Variants in MAP2K2 observed in about 807,000 individuals in gnomAD.
The protein encoded by MAP2K2 is mitogen-activated protein kinase kinase 2.
A neutral mutation model predicts 43.7 loss-of-function variants in MAP2K2; 24 were observed. That is an observed-to-expected ratio of 0.55 (90% confidence interval 0.40 to 0.77). The LOEUF (loss-of-function observed/expected upper bound fraction) is 0.77, where lower values mean the gene tolerates loss of function less well. Ranked by LOEUF, MAP2K2 falls within the 30% of genes least tolerant of loss-of-function variation. The probability of loss-of-function intolerance (pLI) is 0.00; values close to 1 mark genes in which losing one functional copy is unlikely to be tolerated. For synonymous variants in MAP2K2, 244 were observed against 239.7 expected (o/e 1.02, Z -0.17); for missense variants, 470 against 566.8 (o/e 0.83, Z 1.73).
rs765755630 is a variant in MAP2K2, at chr19:4,117,527, G to A, written c.195C>T (p.Gly65=). The A allele has an allele frequency of 8.7e-6, 14 of 1,613,996 alleles. No individual in the cohort carries two copies. Among genetic ancestry groups the A allele is most frequent in the African/African-American group, 1.3e-5 (1 of 74,914 alleles). ...TTTCGAAGTCATCGTCTTTGAGTTC[G>A]CCGACCTTGGCTTTCTGGGTGAGAA... ...EAFLTQKAKV[G]ELKDDDFERI... The change falls in exon 2 of 11, where the codon GGC becomes GGT. Residue 65 remains glycine, a synonymous_variant. Transcript: ENST00000262948.
At position 4,099,216 on chromosome 19, in the gene MAP2K2, CG is replaced by C; in HGVS notation, c.903del (p.Arg303AlafsTer24). On this transcript the variant is annotated frameshift_variant, in exon 7 of 11. Coordinates refer to ENST00000262948, the MANE Select transcript of MAP2K2 (RefSeq NM_030662.4). LOFTEE classifies it high-confidence loss of function. ...CAGGCCGTACCGCTGACGGGGCGCC[CG>C]GGGGGCCTCGGCCGAGGCGAGATGC... ...PHSISPRPRP[P>X]GRPVSGHGMD... 6.2e-7 allele frequency: 1 copy of C among 1,602,940 alleles called. No individual in the cohort carries two copies.
intron 3 of MAP2K2, among the ~76,000 whole-genome samples, chr19:4,107,397 G>A (rs949082683): frequency 3.3e-5 from 5 of 151,172 alleles, no homozygotes; most frequent in East Asian, 2.0e-4. Context: ...GGTGGCGGGC[G>A]CCTGTAGTCC....
At chr19:4,103,210 G>T in intron 3 of MAP2K2, 1 of 987,176 alleles carries the variant, frequency 1.0e-6, no homozygotes, top group Non-Finnish European at 1.2e-6. Context: ...ATCCTGCGGA[G>T]GGCCTGGAAA....
intron 3 of MAP2K2, among the ~76,000 whole-genome samples, chr19:4,108,187 GCCCTGTCAGGGCT>G: frequency 6.6e-6 from 1 of 152,320 alleles, no homozygotes; most frequent in South Asian, 2.1e-4. Context: ...CACGGATGCT[GCCCTGTCAGGGCT>G]CACCCAATGC....
intron 1 of MAP2K2, among the ~76,000 whole-genome samples, chr19:4,120,909 C>G (rs1394421902): frequency 6.9e-6 from 1 of 145,350 alleles, no homozygotes; most frequent in East Asian, 1.9e-4. Context: ...TGTTGACTTG[C>G]ACACATTGGC....
At chr19:4,110,475 GC>G (rs759197586) in intron 3 of MAP2K2, 33 bp downstream of exon 3, 2 of 1,610,110 alleles carry the variant, frequency 1.2e-6, no homozygotes, top group African/African-American at 2.7e-5. Flanking sequence ...TTCCGTGGAG[GC>G]CCTGCCCCTG....
intron 3 of MAP2K2, among the ~76,000 whole-genome samples, chr19:4,104,263 A>C (rs2041055863): frequency 7.8e-6 from 1 of 128,472 alleles, no homozygotes; most frequent in South Asian, 2.7e-4. Context: ...AGACTCCTCA[A>C]TTAAAAAAAA....
At chr19:4,121,073 G>A (rs1871009741) in intron 1 of MAP2K2, among the ~76,000 whole-genome samples, 2 of 151,318 alleles carry the variant, frequency 1.3e-5, no homozygotes, top group African/African-American at 4.9e-5. Flanking sequence ...GCCCTGCCCT[G>A]CCTCGGCCTG....
chr19:4,120,196 G>C (rs562549204), intron 1 of MAP2K2, among the ~76,000 whole-genome samples: 2 of 152,250 alleles, frequency 1.3e-5, no homozygotes, highest in African/African-American at 2.4e-5. Context: ...CCTAGTAGGT[G>C]CTCACTGAGG....
intron 2 of MAP2K2, among the ~76,000 whole-genome samples, chr19:4,113,818 C>A (rs1326054930): frequency 6.6e-6 from 1 of 152,080 alleles, no homozygotes; most frequent in Non-Finnish European, 1.5e-5. Context: ...TGAGTGTCAG[C>A]GAGAGCAGGA....
At chr19:4,092,761 C>T (rs2040865951) in intron 10 of MAP2K2, among the ~76,000 whole-genome samples, 1 of 152,036 alleles carries the variant, frequency 6.6e-6, no homozygotes, top group East Asian at 1.9e-4. Context: ...GCCCAGCCTG[C>T]CTCATTAAAA....
intron 10 of MAP2K2, among the ~76,000 whole-genome samples, chr19:4,093,552 G>A (rs1413544034): frequency 6.6e-6 from 1 of 152,052 alleles, no homozygotes. Flanking sequence ...TTAGCCGGGT[G>A]TGGTGGCGGG....
At chr19:4,090,894 C>T (rs553629735) in intron 10 of MAP2K2, among the ~76,000 whole-genome samples, 186 bp from the exon 11 acceptor site, 22 of 152,310 alleles carry the variant, frequency 1.4e-4, no homozygotes, top group African/African-American at 4.8e-4. Flanking sequence ...GGGGCAGCGG[C>T]GTGTGCCAGG....
intron 7 of MAP2K2, among the ~76,000 whole-genome samples, chr19:4,098,376 A>T (rs2040951349): frequency 6.6e-6 from 1 of 152,160 alleles, no homozygotes; most frequent in Non-Finnish European, 1.5e-5. Context: ...ACTGAAAACC[A>T]CTGAACTGCT....
rs2041340048 is a variant in MAP2K2, at chr19:4,124,082, G to A, written c.-207C>T. On this transcript the variant is annotated 5_prime_UTR_variant, in exon 1 of 11. Transcript: ENST00000262948. ...AGGCGAGCGAGCCGCTACCGCTGCC[G>A]AGGCCCGAAGAAGGCTGACGCCGCA... The A allele has an allele frequency of 4.7e-6, 1 of 211,462 alleles. No homozygotes were observed. Among genetic ancestry groups the A allele is most frequent in the South Asian group, 1.9e-4 (1 of 5,374 alleles). 13.1% of individuals were successfully genotyped at this position (211,462 alleles called of 1,614,324 possible). A position where few individuals can be genotyped will look rare whatever the true frequency, so the allele number is the denominator to read the frequency against.
intron 10 of MAP2K2, 95 bp downstream of exon 10, chr19:4,094,358 C>T: frequency 7.3e-7 from 1 of 1,370,442 alleles, no homozygotes; most frequent in Non-Finnish European, 1.0e-6. Flanking sequence ...CAGGTGCTGG[C>T]TCCCCGGGCA....
At chr19:4,098,526 C>A (rs1033610017) in intron 7 of MAP2K2, among the ~76,000 whole-genome samples, 12 of 152,154 alleles carry the variant, frequency 7.9e-5, no homozygotes, top group African/African-American at 2.9e-4. Context: ...AATCACAGGA[C>A]CCTCCTGTGA....
In MAP2K2 at chr19:4,101,271, C is replaced by T. The variant is rs1336312423; in HGVS notation, c.538G>A (p.Gly180Ser). 1.3e-6 allele frequency: 2 copies of T among 1,582,114 alleles called. No individual in the cohort carries two copies. The highest frequency in any genetic ancestry group is 2.3e-5 in the East Asian group (1 of 43,322). The change falls in exon 5 of 11, where the codon GGC (glycine) becomes AGC (serine). Residue 180 changes from glycine to serine, a missense_variant. This residue lies in a region of MAP2K2 where 200 missense variants were observed against 297.9 expected (regional missense o/e 0.67). Coordinates refer to ENST00000262948, the MANE Select transcript of MAP2K2 (RefSeq NM_030662.4). This position sits in a 1 kb window ranked among gnomAD's most constrained non-coding sequence, Gnocchi z 6.3. Reference sequence around the variant, plus strand: ...TGCTTCTCTCGGAGGTACGCCAAGCCCCGGAGAACCTGCAGGGGAGCGCGG... The same window carrying T: ...TGCTTCTCTCGGAGGTACGCCAAGCTCCGGAGAACCTGCAGGGGAGCGCGG... ...LGKVSIAVLR[G>S]LAYLREKHQI...
intron 3 of MAP2K2, chr19:4,103,168 C>A: frequency 1.0e-6 from 1 of 991,900 alleles, no homozygotes; most frequent in African/African-American, 1.7e-5. Flanking sequence ...CCCCTCCCCA[C>A]AGCCTGTGGT....
Sources: gnomAD v4.1 joint callset for allele counts (sites outside exome capture counted in the v4.1 genomes callset) on GRCh38, gnomAD v4.1.1 for gene constraint, gnomAD v4.1.1 regional missense constraint, Gnocchi (gnomAD v3.1) non-coding constraint, MANE v1.5 for transcripts, NCBI Gene and HGNC (gene_info 2026-07-23, HGNC 2026-07-21) for gene names.